Variants in OPCML observed in about 807,000 individuals in gnomAD.
OPCML encodes opioid binding protein/cell adhesion molecule like, also known as opioid-binding protein/cell adhesion molecule.
A neutral mutation model predicts 37.8 loss-of-function variants in OPCML; 13 were observed. That is an observed-to-expected ratio of 0.34 (90% CI 0.22 to 0.55). OPCML has a LOEUF of 0.55. Among genes scored for constraint, OPCML ranks in the 20% least tolerant of loss-of-function variants. The pLI is 0.91. For missense variants in OPCML, 341 were observed against 435.6 expected (o/e 0.78, Z 1.93); for synonymous variants, 176 against 168.8 (o/e 1.04, Z -0.33).
intron 3 of OPCML, among the ~76,000 whole-genome samples, chr11:132,531,876 A>C (rs977109100): frequency 3.9e-5 from 6 of 152,114 alleles, no homozygotes; most frequent in Admixed American, 3.9e-4. Context: ...ATATTCTCAG[A>C]ATAACGTCGC....
intron 4 of OPCML, among the ~76,000 whole-genome samples, chr11:132,482,455 G>A (rs937026664): frequency 6.6e-6 from 1 of 152,012 alleles, no homozygotes; most frequent in African/African-American, 2.4e-5. Context: ...AAGAGTCCAG[G>A]ACCAGATGGA....
chr11:133,102,792 A>AC (rs1404039638), intron 1 of OPCML, among the ~76,000 whole-genome samples: 18 of 151,502 alleles, frequency 1.2e-4, no homozygotes, highest in South Asian at 4.1e-4. Flanking sequence ...AACAACAACA[A>AC]AAAAAACTAT....
intron 1 of OPCML, among the ~76,000 whole-genome samples, chr11:133,530,627 CAGGCTGGACCCCCT>C (rs1948586278): frequency 6.6e-6 from 1 of 152,230 alleles, no homozygotes; most frequent in Non-Finnish European, 1.5e-5. Context: ...GCACAGCCCC[CAGGCTGGACCCCCT>C]AGGATGCTGC....
intron 1 of OPCML, among the ~76,000 whole-genome samples, chr11:133,512,958 A>G (rs558611955): frequency 1.5e-4 from 23 of 152,324 alleles, no homozygotes; most frequent in Non-Finnish European, 2.4e-4. Flanking sequence ...CAAGAAGTCA[A>G]TGAGCAACTA....
At chr11:132,862,159 GAA>G (rs889253763) in intron 2 of OPCML, among the ~76,000 whole-genome samples, 1 of 151,874 alleles carries the variant, frequency 6.6e-6, no homozygotes, top group East Asian at 1.9e-4. Context: ...AATTTCAGAA[GAA>G]AAAAATACCA....
intron 2 of OPCML, among the ~76,000 whole-genome samples, chr11:132,939,113 G>A (rs1338321045): frequency 6.6e-6 from 1 of 152,046 alleles, no homozygotes; most frequent in African/African-American, 2.4e-5. Flanking sequence ...TATTCAGCTT[G>A]GACAACTGAA....
chr11:133,440,399 CAAAA>C (rs574269636), intron 1 of OPCML, among the ~76,000 whole-genome samples: 10 of 100,194 alleles, frequency 1.0e-4, no homozygotes, highest in African/African-American at 3.1e-4. Context: ...AACTCCATCT[CAAAA>C]AAAAAAAAAA....
chr11:133,265,020 G>A (rs1195173722), intron 1 of OPCML, among the ~76,000 whole-genome samples: 1 of 152,168 alleles, frequency 6.6e-6, no homozygotes, highest in Non-Finnish European at 1.5e-5. Context: ...GAGGCCTCGG[G>A]TCCTTGATGA....
chr11:132,510,770 G>A (rs1023493858), intron 4 of OPCML, among the ~76,000 whole-genome samples: 16 of 151,910 alleles, frequency 1.1e-4, no homozygotes, highest in African/African-American at 3.4e-4. Flanking sequence ...GCATGAAAAC[G>A]GACTAATAAA....
rs1216900414 is a variant in OPCML at position 133,129,280 on chromosome 11, G to A, written c.62-186270C>T. Among the ~76,000 whole-genome samples, 3 of 152,090 alleles carry A rather than the reference G, an allele frequency of 2.0e-5. 1 individual carries two copies. Among genetic ancestry groups the A allele is most frequent in the Admixed American group, 6.5e-5 (1 of 15,270 alleles). On this transcript the variant is annotated intron_variant, in intron 1 of 7. Coordinates refer to ENST00000524381, the MANE Select transcript of OPCML (RefSeq NM_001012393.5). ...GTACAGATCAGACCATGCACGTAAGGGAACTACCCAAGGCAGGGGAGAGGG... is the reference window on the plus strand; with the variant it reads ...GTACAGATCAGACCATGCACGTAAGAGAACTACCCAAGGCAGGGGAGAGGG...
intron 3 of OPCML, among the ~76,000 whole-genome samples, chr11:132,651,754 C>A (rs960064346): frequency 6.6e-6 from 1 of 152,130 alleles, no homozygotes; most frequent in Non-Finnish European, 1.5e-5. Context: ...TGAACTGACA[C>A]CAGGCTAAGA....
chr11:133,489,452 T>A (rs1447854499), intron 1 of OPCML, among the ~76,000 whole-genome samples: 1 of 152,142 alleles, frequency 6.6e-6, no homozygotes, highest in Non-Finnish European at 1.5e-5. Flanking sequence ...AAGGAAGACG[T>A]ATAAATGGCC....
intron 4 of OPCML, chr11:132,525,702 C>CT (rs59812540): frequency 0.42 from 64,070 of 151,976 alleles, 15,315 homozygotes; most frequent in Non-Finnish European, 0.55. Context: ...CAGAGCTTTT[C>CT]TTTTTTATTA....
chr11:133,449,876 G>A (rs1346790703), intron 1 of OPCML, among the ~76,000 whole-genome samples: 2 of 151,690 alleles, frequency 1.3e-5, no homozygotes, highest in African/African-American at 4.9e-5. Context: ...TCAACACCTG[G>A]TTTAGGCTAA....
chr11:132,685,452 G>A (rs982148793), intron 2 of OPCML, among the ~76,000 whole-genome samples: 4 of 152,132 alleles, frequency 2.6e-5, no homozygotes, highest in African/African-American at 7.2e-5. Flanking sequence ...ATGACACACC[G>A]GGTCACGACA....
intron 2 of OPCML, among the ~76,000 whole-genome samples, chr11:132,808,534 A>G (rs888615615): frequency 6.6e-6 from 1 of 152,202 alleles, no homozygotes; most frequent in Admixed American, 6.5e-5. Context: ...TGAAGGGTTA[A>G]CACATTTTTT....
At chr11:132,511,126 G>C (rs1040910983) in intron 4 of OPCML, among the ~76,000 whole-genome samples, 1 of 152,026 alleles carries the variant, frequency 6.6e-6, no homozygotes, top group East Asian at 1.9e-4. Context: ...TGTCACAGTA[G>C]GCAAGGTCAA....
intron 1 of OPCML, among the ~76,000 whole-genome samples, chr11:133,129,327 G>A (rs529949128): frequency 3.9e-5 from 6 of 152,232 alleles, no homozygotes; most frequent in African/African-American, 1.4e-4. Context: ...AGCACACAGG[G>A]CCAAGAAGAG....
At chr11:132,658,532 G>T (rs184163727) in intron 2 of OPCML, among the ~76,000 whole-genome samples, 1 of 152,174 alleles carries the variant, frequency 6.6e-6, no homozygotes, top group Admixed American at 6.5e-5. Context: ...AATGGGGAAA[G>T]CACCTGATCT....
Sources: gnomAD v4.1 joint callset for allele counts (sites outside exome capture counted in the v4.1 genomes callset) on GRCh38, gnomAD v4.1.1 for gene constraint, MANE v1.5 for transcripts, NCBI Gene and HGNC (gene_info 2026-07-23, HGNC 2026-07-21) for gene names.